Variants in ZSWIM4 observed in about 807,000 individuals in gnomAD.
The protein encoded by ZSWIM4 is zinc finger SWIM domain-containing protein 4.
In ZSWIM4, 62 loss-of-function variants were observed where a neutral mutation model predicts 102.5. The ratio of observed to expected loss-of-function variants is 0.60; its 90% CI spans 0.49 to 0.75. The LOEUF is 0.75. Among genes scored for constraint, ZSWIM4 ranks in the 30% least tolerant of loss-of-function variants. The pLI, the probability that ZSWIM4 is intolerant of heterozygous loss-of-function variation, is 0.00. For synonymous variants in ZSWIM4, 652 were observed against 674.5 expected, an observed-to-expected ratio of 0.97 and a Z score of 0.52; for missense variants, 1,280 against 1,529.6, an observed-to-expected ratio of 0.84 and a Z score of 2.72.
chr19:13,830,779 G>T lies in ZSWIM4; in HGVS notation c.3050G>T (p.Arg1017Leu). The T allele has an allele frequency of 1.9e-6, 3 of 1,605,382 alleles. No homozygotes were observed. The highest frequency in any genetic ancestry group is 2.6e-6 in the Non-Finnish European group (3 of 1,176,040). ...APGLGPLGARRAAKPLGADRA... is the reference protein window; with the variant it reads ...APGLGPLGARLAAKPLGADRA... ...GGTCTGGGCCCCTTAGGGGCACGCCGGGCCGCCAAGCCACTGGGTGCCGAC... is the reference window on the plus strand; with the variant it reads ...GGTCTGGGCCCCTTAGGGGCACGCCTGGCCGCCAAGCCACTGGGTGCCGAC... Residue 1017 changes from arginine (R) to leucine (L), a missense_variant, in exon 14 of 14, where the codon CGG (arginine) becomes CTG (leucine). Coordinates refer to ENST00000590508, the MANE Select transcript of ZSWIM4 (RefSeq NM_001367834.3).
At chr19:13,820,187 T>A (rs1012754004) in intron 10 of ZSWIM4, among the ~76,000 whole-genome samples, 1 of 152,064 alleles carries the variant, frequency 6.6e-6, no homozygotes, top group African/African-American at 2.4e-5. Flanking sequence ...ATAAGCCACC[T>A]CGCACAGCCG....
At position 13,795,523 on chromosome 19, in the gene ZSWIM4, G is replaced by C. The variant is rs1051182351; in HGVS notation, c.-126G>C. The C allele has an allele frequency of 2.4e-5, 5 of 210,402 alleles. No homozygotes were observed. The highest frequency in any genetic ancestry group is 3.7e-5 in the Non-Finnish European group (4 of 107,660). The allele number at this position is 210,402 out of a possible 1,614,324, so 13.0% of individuals were successfully genotyped here. A position where few individuals can be genotyped will look rare whatever the true frequency, so the allele number is the denominator to read the frequency against. On this transcript the variant is annotated 5_prime_UTR_variant, in exon 1 of 14. Transcript: ENST00000590508. The stretch of plus-strand genomic sequence containing the variant: ...GGGGGTGGGTGCGGTAGGGGTCCCG[G>C]GGCGGCCGAGCGCAGAGGACGGACG...
chr19:13,799,667 A>G, intron 1 of ZSWIM4, 53 bp from the exon 2 acceptor site: 1 of 1,574,160 alleles, frequency 6.4e-7, no homozygotes, highest in Non-Finnish European at 8.7e-7. Flanking sequence ...AGCTTCCCAA[A>G]GCGCTGGGAT....
At chr19:13,812,889 C>T (rs1258357383) in intron 5 of ZSWIM4, 108 bp from the exon 6 acceptor site, 9 of 1,247,368 alleles carry the variant, frequency 7.2e-6, no homozygotes, top group South Asian at 2.9e-5. Flanking sequence ...TTCCGAGGGT[C>T]GAGGTGAGGG....
chr19:13,804,476 A>G (rs1430679459), intron 2 of ZSWIM4, among the ~76,000 whole-genome samples: 3 of 151,056 alleles, frequency 2.0e-5, no homozygotes, highest in Non-Finnish European at 4.4e-5. Context: ...TCCCAAATAA[A>G]TAAATAAATA....
intron 11 of ZSWIM4, among the ~76,000 whole-genome samples, chr19:13,824,018 G>A (rs942670778): frequency 5.9e-5 from 9 of 151,726 alleles, no homozygotes; most frequent in African/African-American, 2.2e-4. Flanking sequence ...AGAGTTGGGG[G>A]GAGTGAAGTG....
intron 10 of ZSWIM4, among the ~76,000 whole-genome samples, chr19:13,821,042 G>T (rs900383675): frequency 2.0e-5 from 3 of 152,134 alleles, no homozygotes; most frequent in African/African-American, 7.2e-5. Context: ...CCAGCACTTT[G>T]GGAGGCCAAG....
Position 13,805,061 on chromosome 19 carries a change from A to G in ZSWIM4, c.625A>G (p.Ser209Gly), listed in dbSNP as rs1213245808. 3.1e-6 allele frequency: 5 copies of G among 1,609,198 alleles called. No individual in the cohort carries two copies. Among genetic ancestry groups the G allele is most frequent in the Non-Finnish European group, 4.2e-6 (5 of 1,179,994 alleles). The change falls in exon 3 of 14, where the codon AGC (serine) becomes GGC (glycine). Residue 209 changes from serine to glycine, a missense_variant. By Grantham distance (56) the Ser-to-Gly change is moderately conservative. Transcript: ENST00000590508. The part of the protein sequence containing the change: ...QLQKFVQYLI[S>G]AHHTEVLPTA... ...GCAGAAGTTCGTGCAGTACCTCATC[A>G]GCGCCCATCACACTGAGGTGCTGCC...
At chr19:13,797,421 AC>A (rs1407489651) in intron 1 of ZSWIM4, among the ~76,000 whole-genome samples, 1 of 152,060 alleles carries the variant, frequency 6.6e-6, no homozygotes, top group East Asian at 1.9e-4. Context: ...AGTTGAAACA[AC>A]TCACAGCTCT....
In ZSWIM4 at chr19:13,825,557, C is replaced by T. The variant is rs903049711; in HGVS notation, c.2223C>T (p.Pro741=). ...STMLTAAKGD[P]KWLHTVLGSI... is the part of the protein sequence containing the mutation. ...GTCCCGCCCTTCACCCAGGAGACCC[C>T]AAGTGGCTGCACACGGTACTGGGCT... Residue 741 remains proline, a synonymous_variant, in exon 12 of 14, where the codon CCC becomes CCT. Coordinates refer to ENST00000590508, the MANE Select transcript of ZSWIM4 (RefSeq NM_001367834.3). This position sits in a 1 kb window ranked among gnomAD's most constrained non-coding sequence, Gnocchi z 4.6. 1 of 1,613,978 alleles carries T rather than the reference C, an allele frequency of 6.2e-7. No individual in the cohort carries two copies. The highest frequency in any genetic ancestry group is 8.5e-7 in the Non-Finnish European group (1 of 1,179,892).
rs1222978016 is a variant in ZSWIM4 at position 13,795,619 on chromosome 19, C to A, written c.-30C>A. ...TCGGACCGAGCCCCCCAAAGAGGCC[C>A]CGCCCCGGCCCTGGCCCCGGCCGGG... On this transcript the variant is annotated 5_prime_UTR_variant, in exon 1 of 14. Coordinates refer to ENST00000590508, the MANE Select transcript of ZSWIM4 (RefSeq NM_001367834.3). 7.9e-6 allele frequency: 3 copies of A among 377,968 alleles called. No homozygotes were observed. The highest frequency in any genetic ancestry group is 2.2e-5 in the African/African-American group (1 of 46,162). The allele number at this position is 377,968 out of a possible 1,614,324, so 23.4% of individuals were successfully genotyped here. A position where few individuals can be genotyped will look rare whatever the true frequency, so the allele number is the denominator to read the frequency against.
chr19:13,822,046 A>T (rs1249874936), intron 10 of ZSWIM4, among the ~76,000 whole-genome samples: 2 of 151,866 alleles, frequency 1.3e-5, no homozygotes, highest in Non-Finnish European at 2.9e-5. Context: ...TAGTTTAAAA[A>T]TTTTTTTTGT....
At chr19:13,807,361 G>T (rs2145282889) in intron 3 of ZSWIM4, among the ~76,000 whole-genome samples, 1 of 152,150 alleles carries the variant, frequency 6.6e-6, no homozygotes, top group South Asian at 2.1e-4. Flanking sequence ...CATGACTTGG[G>T]TGGGGGTGGA....
intron 11 of ZSWIM4, among the ~76,000 whole-genome samples, chr19:13,824,512 A>C (rs546990302): frequency 1.3e-5 from 2 of 151,858 alleles, no homozygotes; most frequent in Non-Finnish European, 2.9e-5. Flanking sequence ...CCGGGGGATC[A>C]CCTGAGGTCA....
intron 9 of ZSWIM4, among the ~76,000 whole-genome samples, chr19:13,818,377 A>AG (rs1975362355): frequency 6.6e-6 from 1 of 152,064 alleles, no homozygotes; most frequent in African/African-American, 2.4e-5. Context: ...TCCGTCCCCT[A>AG]GCGCTACAGG....
intron 6 of ZSWIM4, 90 bp downstream of exon 6, chr19:13,813,254 G>A: frequency 1.8e-6 from 2 of 1,134,262 alleles, no homozygotes; most frequent in Non-Finnish European, 2.5e-6. Context: ...TCCCAGGAGA[G>A]AGAGGGAGTG....
chr19:13,830,502 G>C lies in ZSWIM4; in HGVS notation c.2773G>C (p.Val925Leu). The C allele has an allele frequency of 1.2e-6, 2 of 1,600,520 alleles. No individual in the cohort carries two copies. The highest frequency in any genetic ancestry group is 2.2e-5 in the South Asian group (2 of 91,022). Reference protein sequence around the residue: ...GGLGHAHLFTVARYMEHRGLP... With the variant: ...GGLGHAHLFTLARYMEHRGLP... ...CCTGGGCCACGCCCACCTCTTCACT[G>C]TGGCCCGCTATATGGAGCACCGCGG... The change falls in exon 14 of 14, where the codon GTG becomes CTG. Residue 925 changes from valine (V) to leucine (L), a missense_variant. Transcript: ENST00000590508.
chr19:13,797,324 G>A (rs1974638322), intron 1 of ZSWIM4, among the ~76,000 whole-genome samples: 1 of 152,166 alleles, frequency 6.6e-6, no homozygotes, highest in African/African-American at 2.4e-5. Flanking sequence ...CCACAGCGGT[G>A]GCCAGGACAC....
In ZSWIM4 at chr19:13,809,684, T is replaced by C. The variant is rs1975021187; in HGVS notation, c.1012+464T>C. On this transcript the variant is annotated intron_variant, in intron 5 of 13. Coordinates refer to ENST00000590508, the MANE Select transcript of ZSWIM4 (RefSeq NM_001367834.3). The surrounding 1 kb of genome is among the most constrained non-coding windows in gnomAD (Gnocchi z 4.2). ...TTTGAAGAGACAGAGTCTCACTATC[T>C]TGCCAAGTCTGGTCTTGAACTCCTG... Among the ~76,000 whole-genome samples, 1 of 152,160 alleles carries C rather than the reference T, an allele frequency of 6.6e-6. No individual in the cohort carries two copies. The highest frequency in any genetic ancestry group is 6.5e-5 in the Admixed American group (1 of 15,274).
Sources: gnomAD v4.1 joint callset for allele counts (sites outside exome capture counted in the v4.1 genomes callset) on GRCh38, gnomAD v4.1.1 for gene constraint, Gnocchi (gnomAD v3.1) non-coding constraint, MANE v1.5 for transcripts, NCBI Gene and HGNC (gene_info 2026-07-23, HGNC 2026-07-21) for gene names.